The following MDGA2 variants were observed in gnomAD, a reference collection of about 807,000 sequenced individuals.
MDGA2 encodes the protein MAM domain-containing glycosylphosphatidylinositol anchor protein 2.
Under a neutral mutation model 117.8 loss-of-function variants are expected in MDGA2, and 40 were observed. The observed-to-expected ratio is 0.34, with a 90% CI of 0.26 to 0.44. The LOEUF (loss-of-function observed/expected upper bound fraction) is 0.44, where lower values mean the gene tolerates loss of function less well. MDGA2 is among the 20% of genes least tolerant of loss of function. MDGA2 has a pLI of 1.00. For synonymous variants in MDGA2, 452 were observed against 439.0 expected, an observed-to-expected ratio of 1.03 and a Z score of -0.37; for missense variants, 1,123 against 1,250.6, an observed-to-expected ratio of 0.90 and a Z score of 1.54.
intron 10 of MDGA2, among the ~76,000 whole-genome samples, chr14:46,897,887 C>T (rs542346843): frequency 1.1e-4 from 17 of 151,428 alleles, no homozygotes; most frequent in African/African-American, 2.7e-4. Flanking sequence ...TTTTGGAAAT[C>T]GGAAAATTTA....
At chr14:47,510,690 A>AT (rs767841438) in intron 1 of MDGA2, among the ~76,000 whole-genome samples, 8 of 152,290 alleles carry the variant, frequency 5.3e-5, no homozygotes, top group Admixed American at 2.0e-4. Flanking sequence ...CCTTCCAGTG[A>AT]TTTTCCATTG....
At chr14:47,038,564 T>C (rs1439357740) in intron 7 of MDGA2, among the ~76,000 whole-genome samples, 1 of 152,102 alleles carries the variant, frequency 6.6e-6, no homozygotes, top group East Asian at 1.9e-4. Context: ...TTAATCTCAA[T>C]AACATAAAAA....
intron 8 of MDGA2, among the ~76,000 whole-genome samples, chr14:46,974,524 T>C (rs1886382669): frequency 6.6e-6 from 1 of 152,060 alleles, no homozygotes; most frequent in Non-Finnish European, 1.5e-5. Context: ...GGCATAAAAA[T>C]AGACATATAG....
chr14:47,666,878 G>A (rs549035769), intron 1 of MDGA2, among the ~76,000 whole-genome samples: 5 of 152,006 alleles, frequency 3.3e-5, no homozygotes, highest in African/African-American at 9.7e-5. Context: ...TGGGAGGAAC[G>A]AACAACTCCA....
chr14:47,657,054 G>A (rs1897758725), intron 1 of MDGA2, among the ~76,000 whole-genome samples: 1 of 152,132 alleles, frequency 6.6e-6, no homozygotes, highest in Non-Finnish European at 1.5e-5. Context: ...CCAGCTATCT[G>A]CCAGAGTCTC....
intron 1 of MDGA2, among the ~76,000 whole-genome samples, chr14:47,374,915 T>C (rs1054881864): frequency 6.6e-6 from 1 of 152,064 alleles, no homozygotes; most frequent in African/African-American, 2.4e-5. Flanking sequence ...TCTTTAAACC[T>C]GACCTTATCC....
intron 15 of MDGA2, among the ~76,000 whole-genome samples, chr14:46,848,144 C>T (rs1272057101): frequency 2.6e-5 from 4 of 151,858 alleles, no homozygotes; most frequent in South Asian, 2.1e-4. Flanking sequence ...TGCACCTGCT[C>T]GCACTTGAAA....
At chr14:47,146,413 C>A (rs941512003) in intron 3 of MDGA2, among the ~76,000 whole-genome samples, 8 of 152,080 alleles carry the variant, frequency 5.3e-5, no homozygotes. Context: ...TAAATTCATT[C>A]TATTAGCTGT....
chr14:47,600,763 T>C, intron 1 of MDGA2, among the ~76,000 whole-genome samples: 2 of 151,546 alleles, frequency 1.3e-5, no homozygotes, highest in Middle Eastern at 6.9e-3. Context: ...TGCACTTCAA[T>C]TATCAATCCA....
At chr14:47,417,593 T>C (rs1242031147) in intron 1 of MDGA2, among the ~76,000 whole-genome samples, 6 of 152,174 alleles carry the variant, frequency 3.9e-5, no homozygotes, top group South Asian at 2.1e-4. Flanking sequence ...CACAGCAATG[T>C]AGGCTTTTTC....
chr14:47,356,348 G>A (rs545416115), intron 1 of MDGA2, among the ~76,000 whole-genome samples: 2 of 152,286 alleles, frequency 1.3e-5, no homozygotes, highest in East Asian at 3.9e-4. Context: ...TCAATTGATA[G>A]TAAAGCCCTC....
At chr14:47,267,434 T>C (rs185842360) in intron 2 of MDGA2, among the ~76,000 whole-genome samples, 160 of 152,304 alleles carry the variant, frequency 1.1e-3, no homozygotes, top group Admixed American at 2.0e-3. Context: ...ATTTGACTCA[T>C]TGATTTAATT....
chr14:46,857,831 CT>C (rs1190302851), intron 14 of MDGA2, among the ~76,000 whole-genome samples: 3 of 151,714 alleles, frequency 2.0e-5, no homozygotes, highest in African/African-American at 4.8e-5. Context: ...ATTTATTTAT[CT>C]TTTTTTATGA....
At chr14:47,340,352 T>C (rs1224134543) in intron 1 of MDGA2, among the ~76,000 whole-genome samples, 4 of 152,116 alleles carry the variant, frequency 2.6e-5, no homozygotes, top group Non-Finnish European at 5.9e-5. Flanking sequence ...AAGCCAAACA[T>C]CCTTTATCAC....
chr14:47,668,915 A>G (rs764980731), intron 1 of MDGA2, among the ~76,000 whole-genome samples: 2 of 152,152 alleles, frequency 1.3e-5, no homozygotes, highest in Non-Finnish European at 2.9e-5. Flanking sequence ...ATAGATTACA[A>G]ACCTTGAGCC....
intron 1 of MDGA2, among the ~76,000 whole-genome samples, chr14:47,538,909 C>A (rs551425652): frequency 1.3e-5 from 2 of 152,064 alleles, no homozygotes; most frequent in African/African-American, 2.4e-5. Flanking sequence ...TCAGGGGTAA[C>A]GGAGTACCTA....
chr14:47,450,335 A>T (rs781239911), intron 1 of MDGA2, among the ~76,000 whole-genome samples: 3 of 151,948 alleles, frequency 2.0e-5, no homozygotes, highest in Non-Finnish European at 4.4e-5. Flanking sequence ...GTATCCCCCA[A>T]GGCAAAGCAA....
chr14:47,618,744 AGTTT>A (rs1896992422), intron 1 of MDGA2, among the ~76,000 whole-genome samples: 1 of 152,198 alleles, frequency 6.6e-6, no homozygotes, highest in African/African-American at 2.4e-5. Context: ...AATTAGATTG[AGTTT>A]AAAAGCAAAA....
At chr14:46,968,848 A>AC (rs1295774847) in intron 8 of MDGA2, among the ~76,000 whole-genome samples, 1 of 152,070 alleles carries the variant, frequency 6.6e-6, no homozygotes, top group African/African-American at 2.4e-5. Flanking sequence ...AAAAAAAAAA[A>AC]AAACAAATCC....
Sources: gnomAD v4.1 joint callset for allele counts (sites outside exome capture counted in the v4.1 genomes callset) on GRCh38, gnomAD v4.1.1 for gene constraint, MANE v1.5 for transcripts, NCBI Gene and HGNC (gene_info 2026-07-23, HGNC 2026-07-21) for gene names.